PCM1: variants seen among roughly 807,000 people sequenced by gnomAD.
The protein encoded by PCM1 is pericentriolar material 1 protein.
In PCM1, 157 loss-of-function variants were observed where a neutral mutation model predicts 241.9. The ratio of observed to expected loss-of-function variants is 0.65; its 90% CI spans 0.57 to 0.74. The LOEUF is 0.74. PCM1 is among the 30% of genes least tolerant of loss of function. The pLI, the probability that PCM1 is intolerant of heterozygous loss-of-function variation, is 0.00. For missense variants in PCM1, 3,478 were observed against 2,360.1 expected (o/e 1.47, Z -9.81); for synonymous variants, 1,085 against 784.9 (o/e 1.38, Z -6.39).
At chr8:17,926,405 G>C (rs1168402586) in intron 2 of PCM1, 2 of 152,178 alleles carry the variant, frequency 1.3e-5, no homozygotes, top group East Asian at 1.9e-4. Context: ...TTGAGTGCTA[G>C]GCAACGTGCT....
intron 2 of PCM1, 75 bp from the exon 3 acceptor site, chr8:17,935,514 A>G: frequency 6.4e-6 from 4 of 625,582 alleles, no homozygotes; most frequent in Non-Finnish European, 8.8e-6. Flanking sequence ...TTGTATTGCT[A>G]AACTTCATGG....
chr8:17,948,396 C>G (rs2064697737), intron 7 of PCM1, among the ~76,000 whole-genome samples: 1 of 148,768 alleles, frequency 6.7e-6, no homozygotes, highest in Non-Finnish European at 1.5e-5. Flanking sequence ...CCTCTGCCTC[C>G]CAGGTTCAAG....
chr8:18,014,979 C>CT (rs757341135), intron 36 of PCM1, 139 bp downstream of exon 36: 3 of 719,066 alleles, frequency 4.2e-6, no homozygotes, highest in Non-Finnish European at 6.6e-6. Context: ...CTAATTCACA[C>CT]TTTAACTTTA....
chr8:18,023,682 C>T (rs2093940427), intron 36 of PCM1, among the ~76,000 whole-genome samples: 1 of 151,970 alleles, frequency 6.6e-6, no homozygotes, highest in Non-Finnish European at 1.5e-5. Flanking sequence ...AATTTTAGGC[C>T]CCTGGGAATC....
Position 17,972,696 on chromosome 8 carries a change from T to A in PCM1, c.3943+9T>A. 6.9e-7 allele frequency: 1 copy of A among 1,459,022 alleles called. No individual in the cohort carries two copies. The highest frequency in any genetic ancestry group is 9.2e-7 in the Non-Finnish European group (1 of 1,091,948). 90.4% of individuals were successfully genotyped at this position (1,459,022 alleles called of 1,614,324 possible). On this transcript the variant is annotated intron_variant, in intron 23 of 38. Coordinates refer to ENST00000325083, the MANE Select transcript of PCM1 (RefSeq NM_006197.4). ...CAGAGTTAAAAACATCAGTAAGTGT[T>A]GAAATTTGTTGAATGTTGATCAGTG...
chr8:17,994,686 A>C (rs935744159), intron 29 of PCM1, among the ~76,000 whole-genome samples: 3 of 152,178 alleles, frequency 2.0e-5, no homozygotes, highest in African/African-American at 7.2e-5. Context: ...TTTTCTCCAC[A>C]TCCTCGCCAG....
At chr8:17,927,124 ATTTTTTTTT>A (rs77247841) in intron 2 of PCM1, 1 of 130,438 alleles carries the variant, frequency 7.7e-6, no homozygotes, top group African/African-American at 2.8e-5. Flanking sequence ...GATCACTTTG[ATTTTTTTTT>A]TTTTTTTTTT....
chr8:17,985,595 A>T lies in PCM1; in HGVS notation c.4257A>T (p.Arg1419Ser), dbSNP rs760570233. The T allele has an allele frequency of 6.2e-7, 1 of 1,607,648 alleles. No individual in the cohort carries two copies. Among genetic ancestry groups the T allele is most frequent in the South Asian group, 1.1e-5 (1 of 89,852 alleles). ...ELQLLNTDYL[R>S]QRALYALQDI... ...AGCTACTAAACACAGACTACTTGAGACAGAGGGCTTTATATGCATTGCAGG... is the reference window on the plus strand; with the variant it reads ...AGCTACTAAACACAGACTACTTGAGTCAGAGGGCTTTATATGCATTGCAGG... Residue 1419 changes from arginine (R) to serine (S), a missense_variant, in exon 25 of 39, where the codon AGA becomes AGT. Physicochemically the swap from Arg to Ser is moderately radical, Grantham distance 110. Coordinates refer to ENST00000325083, the MANE Select transcript of PCM1 (RefSeq NM_006197.4).
At chr8:17,930,727 A>G (rs1329024611) in intron 2 of PCM1, among the ~76,000 whole-genome samples, 1 of 151,868 alleles carries the variant, frequency 6.6e-6, no homozygotes, top group African/African-American at 2.4e-5. Flanking sequence ...AGATACAACA[A>G]AAATTAGCCA....
intron 23 of PCM1, among the ~76,000 whole-genome samples, chr8:17,975,407 C>T (rs2078393552): frequency 6.6e-6 from 1 of 152,116 alleles, no homozygotes; most frequent in African/African-American, 2.4e-5. Context: ...AGGTGATCCA[C>T]CCCCATTGGC....
At chr8:17,942,625 G>A (rs569487696) in intron 6 of PCM1, among the ~76,000 whole-genome samples, 26 of 151,984 alleles carry the variant, frequency 1.7e-4, no homozygotes, top group South Asian at 6.2e-4. Context: ...TGTTTAATTG[G>A]TTTTTTAATT....
chr8:17,926,745 T>C (rs968623228), intron 2 of PCM1: 1 of 152,126 alleles, frequency 6.6e-6, no homozygotes, highest in African/African-American at 2.4e-5. Context: ...TTGATGGATT[T>C]AGGGAGAGAG....
intron 10 of PCM1, chr8:17,955,988 T>C (rs1360756160): frequency 2.5e-5 from 8 of 326,428 alleles, no homozygotes; most frequent in Non-Finnish European, 4.7e-5. Context: ...CACACAAGGC[T>C]GTGTTACCCT....
rs532565825 is a variant in PCM1 at position 18,010,841 on chromosome 8, C to T, written c.5220+173C>T. Among the ~76,000 whole-genome samples, 64 of 152,144 alleles carry T rather than the reference C, an allele frequency of 4.2e-4. 1 individual carries two copies. Among genetic ancestry groups the T allele is most frequent in the African/African-American group, 1.4e-3 (58 of 41,520 alleles). On this transcript the variant is annotated intron_variant, in intron 32 of 38. Coordinates refer to ENST00000325083, the MANE Select transcript of PCM1 (RefSeq NM_006197.4). ...ACTAAAAATACAAAAATTAGCCAGG[C>T]GTGTGCCTATAGTCCCAGCTATTCA...
At chr8:18,014,372 G>A (rs1207060608) in intron 35 of PCM1, among the ~76,000 whole-genome samples, 1 of 136,362 alleles carries the variant, frequency 7.3e-6, no homozygotes, top group African/African-American at 2.5e-5. Context: ...GAAATCAGGT[G>A]GATTTCAGGA....
intron 11 of PCM1, 24 bp from the exon 12 acceptor site, chr8:17,957,240 T>A: frequency 6.4e-7 from 1 of 1,562,812 alleles, no homozygotes; most frequent in Non-Finnish European, 8.6e-7. Flanking sequence ...CTTAAATGAC[T>A]TCAGGCTGTT....
At chr8:17,965,297 C>T (rs916256123) in intron 18 of PCM1, among the ~76,000 whole-genome samples, 2 of 152,058 alleles carry the variant, frequency 1.3e-5, no homozygotes, top group East Asian at 1.9e-4. Flanking sequence ...ATTGCTTAAG[C>T]GCAATTGATA....
At position 17,957,752 on chromosome 8, in the gene PCM1, C is replaced by G. The variant is rs769398511; in HGVS notation, c.2017C>G (p.Gln673Glu). ...MAAKQKLRQL[Q>E]DLVAMVQDDD... is the part of the protein sequence containing the mutation. Reference sequence around the variant, plus strand: ...TGCAAAACAGAAACTTAGACAGTTACAAGATCTTGTTGCTATGGTACAGGT... The same window carrying G: ...TGCAAAACAGAAACTTAGACAGTTAGAAGATCTTGTTGCTATGGTACAGGT... Residue 673 changes from glutamine to glutamate, a missense_variant, in exon 13 of 39, where the codon CAA becomes GAA. Gln to Glu is a conservative substitution (Grantham distance 29, BLOSUM62 2). Transcript: ENST00000325083. 2.5e-6 allele frequency: 4 copies of G among 1,612,796 alleles called. No homozygotes were observed. The highest frequency in any genetic ancestry group is 3.4e-6 in the Non-Finnish European group (4 of 1,179,102).
At chr8:17,994,137 C>T (rs1056796847) in intron 29 of PCM1, among the ~76,000 whole-genome samples, 1 of 152,146 alleles carries the variant, frequency 6.6e-6, no homozygotes, top group African/African-American at 2.4e-5. Context: ...CTTATTCATT[C>T]ATTCTGACTA....
Sources: gnomAD v4.1 joint callset for allele counts (sites outside exome capture counted in the v4.1 genomes callset) on GRCh38, gnomAD v4.1.1 for gene constraint, MANE v1.5 for transcripts, NCBI Gene and HGNC (gene_info 2026-07-23, HGNC 2026-07-21) for gene names.